Variants in DOCK3 observed in about 807,000 individuals in gnomAD.
The protein encoded by DOCK3 is dedicator of cytokinesis 3.
A neutral mutation model predicts 265.6 loss-of-function variants in DOCK3; 60 were observed. The observed-to-expected ratio is 0.23, with a 90% CI of 0.18 to 0.28. The LOEUF (loss-of-function observed/expected upper bound fraction) is 0.28, where lower values mean the gene tolerates loss of function less well. Ranked by LOEUF, DOCK3 falls within the 10% of genes least tolerant of loss-of-function variation. DOCK3 has a pLI of 1.00. For missense variants in DOCK3, 1,981 were observed against 2,594.3 expected (o/e 0.76, Z 5.14); for synonymous variants, 881 against 938.0 (o/e 0.94, Z 1.11).
chr3:51,051,783 T>C (rs1477631273), intron 5 of DOCK3, among the ~76,000 whole-genome samples: 2 of 152,124 alleles, frequency 1.3e-5, no homozygotes, highest in African/African-American at 4.8e-5. Context: ...TTTTCTCAGC[T>C]TCTGGGGAGG....
chr3:50,841,472 T>A (rs1224542273), intron 2 of DOCK3, among the ~76,000 whole-genome samples: 1 of 152,150 alleles, frequency 6.6e-6, no homozygotes, highest in Non-Finnish European at 1.5e-5. Flanking sequence ...CTTTATGCCT[T>A]GTAATGAAAA....
chr3:51,250,860 G>A (rs2079179520), intron 22 of DOCK3, among the ~76,000 whole-genome samples: 1 of 152,038 alleles, frequency 6.6e-6, no homozygotes, highest in African/African-American at 2.4e-5. Context: ...TTTTGCTTTT[G>A]TTTTTGTTTT....
At chr3:51,209,008 G>A (rs1576418249) in intron 13 of DOCK3, 146 bp downstream of exon 13, 1 of 713,642 alleles carries the variant, frequency 1.4e-6, no homozygotes, top group Non-Finnish European at 2.2e-6. Flanking sequence ...CATTCTTTTT[G>A]TAATAATTTG....
chr3:51,202,182 G>A (rs2088829571), intron 12 of DOCK3, among the ~76,000 whole-genome samples: 2 of 109,668 alleles, frequency 1.8e-5, no homozygotes, highest in African/African-American at 3.6e-5. Context: ...CAGAACTGAA[G>A]GAAATAGAGA....
Position 51,229,599 on chromosome 3 carries a change from A to G in DOCK3, c.1907A>G (p.Glu636Gly). 2 of 1,603,976 alleles carry G rather than the reference A, an allele frequency of 1.2e-6. No homozygotes were observed. The highest frequency in any genetic ancestry group is 1.7e-6 in the Non-Finnish European group (2 of 1,175,166). The change falls in exon 19 of 53, where the codon GAA becomes GGA. Residue 636 changes from glutamate to glycine, a missense_variant. Glu to Gly is a moderately conservative substitution (Grantham distance 98, BLOSUM62 -2). This residue lies in a region of DOCK3 where 1,357 missense variants were observed against 1,866.8 expected (regional missense o/e 0.73). Transcript: ENST00000266037. The stretch of plus-strand genomic sequence containing the variant: ...CGGCTGCGGCATGTCAGTGGGGAGG[A>G]AATTGTTAAGGTATGTCTTCCATAT... ...LGRLRHVSGE[E>G]IVKFLQDILD...
intron 3 of DOCK3, among the ~76,000 whole-genome samples, chr3:50,857,990 G>A (rs1326248783): frequency 6.6e-6 from 1 of 152,168 alleles, no homozygotes; most frequent in Non-Finnish European, 1.5e-5. Flanking sequence ...TATGTTTATT[G>A]CAGCACTATT....
chr3:51,153,331 C>T (rs2085700889), intron 10 of DOCK3, among the ~76,000 whole-genome samples: 1 of 152,212 alleles, frequency 6.6e-6, no homozygotes, highest in Non-Finnish European at 1.5e-5. Flanking sequence ...GATGTAATCT[C>T]CTGGTGTGCC....
intron 27 of DOCK3, among the ~76,000 whole-genome samples, chr3:51,282,331 G>A (rs1037149453): frequency 3.6e-5 from 2 of 56,204 alleles, no homozygotes; most frequent in African/African-American, 1.0e-4. Context: ...ATCACAAATA[G>A]TGACATCAAG....
At chr3:51,250,118 C>G (rs903658653) in intron 22 of DOCK3, among the ~76,000 whole-genome samples, 1 of 151,762 alleles carries the variant, frequency 6.6e-6, no homozygotes, top group Non-Finnish European at 1.5e-5. Context: ...CTCAAGTACC[C>G]AGGGACACAA....
chr3:50,695,945 G>A (rs991741626), intron 1 of DOCK3, among the ~76,000 whole-genome samples: 10 of 152,226 alleles, frequency 6.6e-5, no homozygotes, highest in African/African-American at 2.2e-4. Context: ...ACAGAAAAAG[G>A]AAAGTGATGT....
At chr3:50,906,189 A>G (rs1401597204) in intron 4 of DOCK3, among the ~76,000 whole-genome samples, 2 of 152,066 alleles carry the variant, frequency 1.3e-5, no homozygotes, top group East Asian at 1.9e-4. Context: ...GGATTTTTGC[A>G]TCGATGTTCA....
chr3:51,221,696 C>A (rs577128823), intron 14 of DOCK3, among the ~76,000 whole-genome samples: 1 of 152,224 alleles, frequency 6.6e-6, no homozygotes, highest in South Asian at 2.1e-4. Flanking sequence ...TGGATGTCAC[C>A]CAGGCACTAA....
At chr3:51,241,726 T>C (rs1560269141) in intron 21 of DOCK3, among the ~76,000 whole-genome samples, 1 of 152,258 alleles carries the variant, frequency 6.6e-6, no homozygotes, top group Non-Finnish European at 1.5e-5. Flanking sequence ...TGTTAATACT[T>C]GCAATTGCAT....
intron 2 of DOCK3, among the ~76,000 whole-genome samples, chr3:50,821,633 A>G (rs888857101): frequency 6.6e-6 from 1 of 152,172 alleles, no homozygotes; most frequent in Non-Finnish European, 1.5e-5. Context: ...GAAGTCTTAC[A>G]TTTAAATCTT....
At chr3:50,854,672 C>T (rs1256498331) in intron 3 of DOCK3, among the ~76,000 whole-genome samples, 1 of 143,148 alleles carries the variant, frequency 7.0e-6, no homozygotes, top group Non-Finnish European at 1.5e-5. Flanking sequence ...AAGCAGTCCT[C>T]TTTGTTTTGG....
rs78983861 is a variant in DOCK3, at chr3:50,915,287, G to A, written c.219-18694G>A. Among the ~76,000 whole-genome samples, 1,175 of 152,092 alleles carry A rather than the reference G, an allele frequency of 7.7e-3. 28 individuals carry two copies. Among genetic ancestry groups the A allele is most frequent in the African/African-American group, 0.027 (1,114 of 41,410 alleles). On this transcript the variant is annotated intron_variant, in intron 4 of 52. Transcript: ENST00000266037. ...TAGTGACTCTAGACCATGAGATGGC[G>A]GGGCTTTGCAGTATCCCAGACTATG...
intron 3 of DOCK3, among the ~76,000 whole-genome samples, chr3:50,863,029 C>T (rs906316253): frequency 7.2e-5 from 11 of 152,160 alleles, no homozygotes; most frequent in African/African-American, 2.4e-4. Flanking sequence ...GGTGCTGGCC[C>T]CCGCAGTGAT....
intron 2 of DOCK3, chr3:50,787,535 A>C: frequency 1.5e-6 from 1 of 647,356 alleles, no homozygotes. Flanking sequence ...AACTGTCTCA[A>C]AAACAAAAAA....
At chr3:51,025,868 C>T (rs546574341) in intron 5 of DOCK3, among the ~76,000 whole-genome samples, 3 of 152,260 alleles carry the variant, frequency 2.0e-5, no homozygotes, top group East Asian at 1.9e-4. Context: ...AGGTCTTCTT[C>T]CATGGCCTGA....
Sources: allele counts gnomAD v4.1 joint callset (sites outside exome capture counted in the v4.1 genomes callset), GRCh38; gene constraint gnomAD v4.1.1; regional missense constraint gnomAD v4.1.1; transcripts MANE v1.5; gene names NCBI Gene and HGNC (gene_info 2026-07-23, HGNC 2026-07-21).